The following SFXN5 variants were observed in gnomAD, a reference collection of about 807,000 sequenced individuals.
The protein encoded by SFXN5 is sideroflexin-5.
In SFXN5, 43 loss-of-function variants were observed where a neutral mutation model predicts 50.2. That is an observed-to-expected ratio of 0.86 (90% CI 0.67 to 1.11). The LOEUF (loss-of-function observed/expected upper bound fraction) is 1.11, where lower values mean the gene tolerates loss of function less well. SFXN5 is among the 50% of genes least tolerant of loss of function. The pLI is 0.00. For missense variants in SFXN5, 463 were observed against 454.1 expected (o/e 1.02, Z -0.18); for synonymous variants, 203 against 185.8 (o/e 1.09, Z -0.75).
intron 6 of SFXN5, among the ~76,000 whole-genome samples, chr2:73,008,738 A>G (rs994484108): frequency 1.3e-5 from 2 of 152,208 alleles, no homozygotes. Flanking sequence ...GCCTCAGTGC[A>G]CCGGCATAGC....
chr2:73,059,220 A>G, intron 1 of SFXN5: 1 of 985,758 alleles, frequency 1.0e-6, no homozygotes. Context: ...GCGCAGCCAC[A>G]GGCATTGGAG....
chr2:72,970,837 G>A (rs1169684000), intron 11 of SFXN5, among the ~76,000 whole-genome samples: 8 of 152,002 alleles, frequency 5.3e-5, no homozygotes, highest in Admixed American at 1.3e-4. Context: ...TTAGGTGCCC[G>A]CCACCACGCC....
chr2:72,956,196 G>A (rs976314136), intron 13 of SFXN5, among the ~76,000 whole-genome samples: 5 of 152,204 alleles, frequency 3.3e-5, no homozygotes, highest in African/African-American at 1.2e-4. Context: ...AGATCCGCCA[G>A]GGCAGACCCT....
chr2:72,987,298 T>C (rs1278300619), intron 10 of SFXN5, among the ~76,000 whole-genome samples: 1 of 151,512 alleles, frequency 6.6e-6, no homozygotes, highest in East Asian at 2.0e-4. Context: ...TTAGTAGAGA[T>C]GGGGTTTCAC....
intron 10 of SFXN5, among the ~76,000 whole-genome samples, chr2:72,980,805 C>T (rs1671205421): frequency 6.6e-6 from 1 of 152,164 alleles, no homozygotes; most frequent in African/African-American, 2.4e-5. Context: ...AACATGCCCT[C>T]CTCTGTTCCC....
At position 73,023,215 on chromosome 2, in the gene SFXN5, C is replaced by T; in HGVS notation, c.250-1G>A. Reference sequence around the variant, plus strand: ...GCTTGATTTTCTGTGCACTCCAGAGCTGGAAGAGAGATAAAGGAAAAGAAA... The same window carrying T: ...GCTTGATTTTCTGTGCACTCCAGAGTTGGAAGAGAGATAAAGGAAAAGAAA... On this transcript the variant is annotated splice_acceptor_variant, in intron 3 of 13. Transcript: ENST00000272433. LOFTEE classifies it high-confidence loss of function. 3 of 1,601,804 alleles carry T rather than the reference C, an allele frequency of 1.9e-6. No homozygotes were observed. The South Asian group carries it at 3.4e-5, about 18-fold the overall frequency.
chr2:73,023,317 GA>G, intron 3 of SFXN5, 103 bp from the exon 4 acceptor site: 1 of 1,196,350 alleles, frequency 8.4e-7, no homozygotes, highest in Non-Finnish European at 1.2e-6. Context: ...ATCCAGCTCC[GA>G]AAGCCCGAAA....
chr2:73,035,443 T>C (rs934137749), intron 3 of SFXN5, among the ~76,000 whole-genome samples: 2 of 152,030 alleles, frequency 1.3e-5, no homozygotes, highest in South Asian at 2.1e-4. Context: ...AGTTAAATTA[T>C]ACTCATTTTT....
chr2:73,016,064 G>C (rs1676113887), intron 6 of SFXN5, among the ~76,000 whole-genome samples: 1 of 151,992 alleles, frequency 6.6e-6, no homozygotes, highest in Non-Finnish European at 1.5e-5. Flanking sequence ...GTTGTTCAAT[G>C]CATTCTGATC....
chr2:72,993,125 G>C (rs1672811778), intron 9 of SFXN5, among the ~76,000 whole-genome samples: 1 of 152,192 alleles, frequency 6.6e-6, no homozygotes, highest in Non-Finnish European at 1.5e-5. Flanking sequence ...GAACAATGGA[G>C]TAAGGGGCAC....
intron 6 of SFXN5, among the ~76,000 whole-genome samples, chr2:73,014,892 A>G (rs1003508340): frequency 2.6e-5 from 4 of 152,142 alleles, no homozygotes; most frequent in African/African-American, 9.7e-5. Flanking sequence ...TAGTTTGTCT[A>G]TTCTCATAAA....
chr2:72,984,647 G>A (rs1003105116), intron 10 of SFXN5, among the ~76,000 whole-genome samples: 1 of 152,226 alleles, frequency 6.6e-6, no homozygotes, highest in Non-Finnish European at 1.5e-5. Flanking sequence ...GAGAACCGAG[G>A]GAGGAGAGAG....
chr2:73,017,144 T>G (rs7560421), intron 6 of SFXN5, among the ~76,000 whole-genome samples: 1 of 152,106 alleles, frequency 6.6e-6, no homozygotes, highest in Non-Finnish European at 1.5e-5. Context: ...CATCGGTATA[T>G]AGTATACTAC....
intron 3 of SFXN5, among the ~76,000 whole-genome samples, chr2:73,033,330 G>C (rs1161172878): frequency 6.6e-6 from 1 of 152,156 alleles, no homozygotes; most frequent in Non-Finnish European, 1.5e-5. Context: ...GGGTTGCACA[G>C]ACAGACAAAC....
intron 13 of SFXN5, among the ~76,000 whole-genome samples, chr2:72,946,455 C>T (rs968546243): frequency 4.6e-5 from 7 of 152,186 alleles, no homozygotes; most frequent in Non-Finnish European, 7.3e-5. Flanking sequence ...TCCTCGGGGT[C>T]CTTGGGGCTT....
chr2:73,052,669 T>C (rs1681530744), intron 2 of SFXN5, among the ~76,000 whole-genome samples: 1 of 152,224 alleles, frequency 6.6e-6, no homozygotes, highest in Admixed American at 6.5e-5. Context: ...AATTACTGAA[T>C]TCAGGATAGC....
intron 1 of SFXN5, among the ~76,000 whole-genome samples, chr2:73,061,793 A>C (rs1259839791): frequency 1.3e-5 from 2 of 152,192 alleles, no homozygotes; most frequent in South Asian, 2.1e-4. Flanking sequence ...ATATACAGAA[A>C]TGATATTACA....
At chr2:73,018,539 A>G (rs375404409) in intron 6 of SFXN5, among the ~76,000 whole-genome samples, 4 of 152,236 alleles carry the variant, frequency 2.6e-5, no homozygotes, top group African/African-American at 9.6e-5. Flanking sequence ...GCAGAAGGGA[A>G]ACTCGAGAGG....
chr2:73,022,606 G>GTA, intron 4 of SFXN5, 30 bp from the exon 5 acceptor site: 2 of 1,264,212 alleles, frequency 1.6e-6, no homozygotes, highest in South Asian at 1.2e-5. Context: ...AGAATGGGGT[G>GTA]GGGACGGGGG....
Sources: allele counts gnomAD v4.1 joint callset (sites outside exome capture counted in the v4.1 genomes callset), GRCh38; gene constraint gnomAD v4.1.1; transcripts MANE v1.5; gene names NCBI Gene and HGNC (gene_info 2026-07-23, HGNC 2026-07-21).